Variants in THRB observed in about 807,000 individuals in gnomAD.
The protein encoded by THRB is thyroid hormone receptor beta.
THRB carries 12 observed loss-of-function variants against 47.8 expected under a neutral mutation model. That is an observed-to-expected ratio of 0.25 (90% confidence interval 0.16 to 0.41). The LOEUF (loss-of-function observed/expected upper bound fraction) is 0.41, where lower values mean the gene tolerates loss of function less well. Ranked by LOEUF, THRB falls within the 10% of genes least tolerant of loss-of-function variation. THRB has a pLI of 1.00. For missense variants in THRB, 348 were observed against 589.2 expected, an observed-to-expected ratio of 0.59 and a Z score of 4.24; for synonymous variants, 218 against 212.2, an observed-to-expected ratio of 1.03 and a Z score of -0.24.
chr3:24,241,579 G>A (rs1431489544), intron 3 of THRB, among the ~76,000 whole-genome samples: 4 of 152,298 alleles, frequency 2.6e-5, no homozygotes, highest in African/African-American at 9.6e-5. Context: ...TCTATCCAAA[G>A]CACGTTGCCA....
chr3:24,272,505 T>C (rs557399305), intron 3 of THRB, among the ~76,000 whole-genome samples: 1 of 152,288 alleles, frequency 6.6e-6, no homozygotes, highest in East Asian at 1.9e-4. Flanking sequence ...CTGAAAAACA[T>C]TGCCAACAAT....
intron 2 of THRB, among the ~76,000 whole-genome samples, chr3:24,309,945 A>G (rs2057633491): frequency 6.6e-6 from 1 of 152,212 alleles, no homozygotes; most frequent in African/African-American, 2.4e-5. Flanking sequence ...CAAGTGGAAA[A>G]GAAAGTTAAG....
At chr3:24,276,738 C>T (rs770236141) in intron 3 of THRB, among the ~76,000 whole-genome samples, 3 of 152,126 alleles carry the variant, frequency 2.0e-5, no homozygotes, top group South Asian at 2.1e-4. Flanking sequence ...CTATAACAGA[C>T]GTGGAGTAAG....
rs35524091 is a variant in THRB at position 24,336,922 on chromosome 3, C to T, written c.-189+378G>A. 1.5e-3 allele frequency among the ~76,000 whole-genome samples: 228 copies of T among 152,110 alleles called. 1 individual carries two copies. The highest frequency in any genetic ancestry group is 2.9e-3 in the South Asian group (14 of 4,820). On this transcript the variant is annotated intron_variant, in intron 2 of 10. Coordinates refer to ENST00000646209, the MANE Select transcript of THRB (RefSeq NM_001354712.2). ...ATTTTTTAGTAGAGACAGGGTTTCA[C>T]CATGTTAGCCAGGATGGTCTCGATC...
At chr3:24,197,938 C>T (rs1374617013) in intron 4 of THRB, among the ~76,000 whole-genome samples, 1 of 152,116 alleles carries the variant, frequency 6.6e-6, no homozygotes. Flanking sequence ...TATCGGATGC[C>T]GGAGCTGGTA....
chr3:24,442,706 C>A (rs958935047), intron 1 of THRB, among the ~76,000 whole-genome samples: 2 of 152,070 alleles, frequency 1.3e-5, no homozygotes, highest in Admixed American at 6.5e-5. Flanking sequence ...TGCCTGTAAT[C>A]CCAGCTACTC....
chr3:24,328,745 G>A (rs1256497025), intron 2 of THRB, among the ~76,000 whole-genome samples: 1 of 152,192 alleles, frequency 6.6e-6, no homozygotes, highest in African/African-American at 2.4e-5. Context: ...CTGGTCCACT[G>A]TGGCCAATCT....
At chr3:24,493,870 C>G (rs1158618123) in intron 1 of THRB, among the ~76,000 whole-genome samples, 5 of 152,240 alleles carry the variant, frequency 3.3e-5, no homozygotes, top group African/African-American at 1.2e-4. Flanking sequence ...AAAGTGACAA[C>G]TGCCGCTAAG....
At chr3:24,368,684 T>A (rs1484951112) in intron 1 of THRB, among the ~76,000 whole-genome samples, 1 of 152,200 alleles carries the variant, frequency 6.6e-6, no homozygotes, top group Non-Finnish European at 1.5e-5. Flanking sequence ...ATGAAGGCCA[T>A]GAATCAACAC....
intron 5 of THRB, among the ~76,000 whole-genome samples, chr3:24,170,575 A>G (rs539803299): frequency 6.6e-6 from 1 of 152,306 alleles, no homozygotes; most frequent in South Asian, 2.1e-4. Context: ...ACATAAACCA[A>G]AATAGCATCC....
chr3:24,462,993 C>A (rs911573924), intron 1 of THRB, among the ~76,000 whole-genome samples: 3 of 152,180 alleles, frequency 2.0e-5, no homozygotes, highest in African/African-American at 7.2e-5. Flanking sequence ...TAGGGTCACA[C>A]AACTTGGCTT....
chr3:24,158,401 A>G (rs769683377), intron 5 of THRB, among the ~76,000 whole-genome samples: 3 of 141,414 alleles, frequency 2.1e-5, no homozygotes, highest in Non-Finnish European at 4.5e-5. Context: ...AAACAAAAGT[A>G]GTTTGAGAAA....
At chr3:24,437,502 C>G (rs138288087) in intron 1 of THRB, among the ~76,000 whole-genome samples, 1 of 152,202 alleles carries the variant, frequency 6.6e-6, no homozygotes, top group East Asian at 1.9e-4. Context: ...ATTGACTGTA[C>G]ATTTCAAAAT....
intron 5 of THRB, among the ~76,000 whole-genome samples, chr3:24,181,871 T>C (rs1296363818): frequency 6.6e-6 from 1 of 152,198 alleles, no homozygotes; most frequent in Non-Finnish European, 1.5e-5. Context: ...AGCTAATGAC[T>C]TGATAAGATA....
At chr3:24,386,140 GC>G (rs2066084879) in intron 1 of THRB, among the ~76,000 whole-genome samples, 1 of 152,026 alleles carries the variant, frequency 6.6e-6, no homozygotes, top group South Asian at 2.1e-4. Context: ...GCCTCCTGAG[GC>G]CCACGCCTCC....
chr3:24,247,707 T>C (rs2050241519), intron 3 of THRB, among the ~76,000 whole-genome samples: 1 of 152,148 alleles, frequency 6.6e-6, no homozygotes, highest in Non-Finnish European at 1.5e-5. Flanking sequence ...TAAAGATAAA[T>C]ACTGGTACAT....
At chr3:24,368,531 G>A (rs1488413804) in intron 1 of THRB, among the ~76,000 whole-genome samples, 1 of 152,202 alleles carries the variant, frequency 6.6e-6, no homozygotes, top group Non-Finnish European at 1.5e-5. Flanking sequence ...GAGATGGAAA[G>A]GTTGAAGAAA....
At chr3:24,423,204 A>T (rs1039672355) in intron 1 of THRB, among the ~76,000 whole-genome samples, 2 of 151,928 alleles carry the variant, frequency 1.3e-5, no homozygotes, top group Non-Finnish European at 2.9e-5. Flanking sequence ...TGCCTGGCCA[A>T]TCCTACCTGA....
chr3:24,182,179 C>T (rs1241784611), intron 5 of THRB, among the ~76,000 whole-genome samples: 1 of 151,676 alleles, frequency 6.6e-6, no homozygotes, highest in Non-Finnish European at 1.5e-5. Context: ...CCAGCCTGGG[C>T]GACAGAGTGA....
Sources: gnomAD v4.1 joint callset for allele counts (sites outside exome capture counted in the v4.1 genomes callset) on GRCh38, gnomAD v4.1.1 for gene constraint, MANE v1.5 for transcripts, NCBI Gene and HGNC (gene_info 2026-07-23, HGNC 2026-07-21) for gene names.